STS: variants seen among roughly 807,000 people sequenced by gnomAD.
STS encodes the protein steroid sulfatase, also known as steryl-sulfatase.
Under a neutral mutation model 26.8 loss-of-function variants are expected in STS, and 7 were observed. That is an observed-to-expected ratio of 0.26 (90% confidence interval 0.15 to 0.49). STS has a LOEUF of 0.49. STS is among the 20% of genes least tolerant of loss of function. The pLI is 0.98. For synonymous variants in STS, 199 were observed against 189.4 expected, an observed-to-expected ratio of 1.05 and a Z score of -0.42; for missense variants, 434 against 465.6, an observed-to-expected ratio of 0.93 and a Z score of 0.63.
intron 2 of STS, among the ~76,000 whole-genome samples, chrX:7,231,763 T>TC (rs770298780): frequency 1.9e-4 from 21 of 110,497 alleles, no homozygotes; most frequent in African/African-American, 6.9e-4. Flanking sequence ...CTCTTTGCAG[T>TC]CAGCTCTTCT....
At chrX:7,203,895 C>A (rs1487441608) in intron 2 of STS, among the ~76,000 whole-genome samples, 1 of 111,348 alleles carries the variant, frequency 9.0e-6, no homozygotes, top group Admixed American at 9.6e-5. Context: ...AGCAATTCTC[C>A]TGTCTCAGCT....
chrX:7,192,932 C>T (rs1274138200), intron 2 of STS, among the ~76,000 whole-genome samples: 9 of 112,395 alleles, frequency 8.0e-5, no homozygotes, highest in African/African-American at 2.3e-4. Flanking sequence ...GTGCTGAGGG[C>T]GACAAACCCT....
chrX:7,162,002 A>G (rs903294536), intron 1 of STS, among the ~76,000 whole-genome samples: 6 of 112,003 alleles, frequency 5.4e-5, no homozygotes, highest in Admixed American at 9.5e-5. Flanking sequence ...AAAGATAATA[A>G]TGACTCCTCT....
chrX:7,331,113 C>T (rs1414991873), intron 9 of STS, among the ~76,000 whole-genome samples: 6 of 110,930 alleles, frequency 5.4e-5, no homozygotes, highest in East Asian at 2.9e-4. Flanking sequence ...AGGCAAAGGG[C>T]GCGTGGGAAG....
chrX:7,297,945 A>T (rs1426124041), intron 7 of STS, among the ~76,000 whole-genome samples: 1 of 111,571 alleles, frequency 9.0e-6, no homozygotes, highest in Non-Finnish European at 1.9e-5. Flanking sequence ...CAAGAGTTTC[A>T]TTTCCAGTGC....
At position 7,276,020 on chromosome X, in the gene STS, A is replaced by C; in HGVS notation, c.876A>C (p.Lys292Asn). The C allele has an allele frequency of 8.3e-7, 1 of 1,207,617 alleles. No homozygotes were observed. Among genetic ancestry groups the C allele is most frequent in the Non-Finnish European group, 1.1e-6 (1 of 894,246 alleles). Reference protein sequence around the residue: ...LHVHTALFSSKDFAGKSQHGV... With the variant: ...LHVHTALFSSNDFAGKSQHGV... ...TGCACACAGCCCTGTTCTCCAGCAA[A>C]GACTTTGCTGGCAAAAGTCAACACG... Residue 292 changes from lysine to asparagine, a missense_variant, in exon 7 of 11, where the codon AAA becomes AAC. By Grantham distance (94) the Lys-to-Asn change is moderately conservative. Transcript: ENST00000674429.
chrX:7,201,320 C>T (rs1472516700), intron 2 of STS, among the ~76,000 whole-genome samples: 1 of 111,867 alleles, frequency 8.9e-6, no homozygotes, highest in Non-Finnish European at 1.9e-5. Context: ...AGAATGTTCT[C>T]AAAGGGACAT....
rs1925476568 is a variant in STS at position 7,292,650 on chromosome X, C to T, written c.944-12396C>T. Among the ~76,000 whole-genome samples the T allele has an allele frequency of 2.7e-5, 3 of 110,605 alleles. No homozygotes were observed. In the South Asian group the frequency reaches 1.2e-3, roughly 43 times the overall value. On this transcript the variant is annotated intron_variant, in intron 7 of 10. Transcript: ENST00000674429. Reference sequence around the variant, plus strand: ...TAGTCTTGTCGTTCCTTACCATGTTCTGCATTGCATGCCATGTGCTTTGAT... The same window carrying T: ...TAGTCTTGTCGTTCCTTACCATGTTTTGCATTGCATGCCATGTGCTTTGAT...
intron 6 of STS, among the ~76,000 whole-genome samples, chrX:7,272,262 G>C (rs1291992843): frequency 9.7e-6 from 1 of 103,521 alleles, no homozygotes; most frequent in Admixed American, 1.0e-4. Flanking sequence ...TTACTGGCTG[G>C]TAAAGATGTG....
At chrX:7,165,211 G>A (rs1486113058) in intron 1 of STS, among the ~76,000 whole-genome samples, 1 of 108,004 alleles carries the variant, frequency 9.3e-6, no homozygotes, top group Non-Finnish European at 1.9e-5. Context: ...GCAGTGTGGG[G>A]TGTTAGTGGC....
chrX:7,208,535 G>T (rs1253923840), intron 2 of STS, among the ~76,000 whole-genome samples: 1 of 111,910 alleles, frequency 8.9e-6, no homozygotes, highest in African/African-American at 3.2e-5. Flanking sequence ...AACAAAAACT[G>T]CTGTTTTTCA....
At chrX:7,172,973 G>A (rs886495527) in intron 1 of STS, among the ~76,000 whole-genome samples, 6 of 110,820 alleles carry the variant, frequency 5.4e-5, no homozygotes, top group Non-Finnish European at 5.7e-5. Context: ...TGTGTAGGAT[G>A]TGCAGGTTTG....
chrX:7,281,555 G>C (rs1181272244), intron 7 of STS, among the ~76,000 whole-genome samples: 1 of 112,009 alleles, frequency 8.9e-6, no homozygotes, highest in Admixed American at 9.5e-5. Context: ...CTGACATTTA[G>C]TCAGTCATGT....
chrX:7,300,199 A>C (rs1925900201), intron 7 of STS, among the ~76,000 whole-genome samples: 1 of 112,167 alleles, frequency 8.9e-6, no homozygotes, highest in Admixed American at 9.5e-5. Context: ...TGTTATCTCC[A>C]GTTAAATAAC....
intron 8 of STS, among the ~76,000 whole-genome samples, chrX:7,322,126 G>C (rs1029465430): frequency 8.9e-6 from 1 of 112,600 alleles, no homozygotes; most frequent in Admixed American, 9.4e-5. Flanking sequence ...ATGGCTGGAT[G>C]GTTGATGCTT....
At chrX:7,193,511 A>G (rs1474607411) in intron 2 of STS, among the ~76,000 whole-genome samples, 2 of 109,171 alleles carry the variant, frequency 1.8e-5, no homozygotes, top group Admixed American at 2.0e-4. Context: ...AGATCCAGCT[A>G]GAAGGGCTCT....
At chrX:7,334,965 C>A (rs919214806) in intron 10 of STS, among the ~76,000 whole-genome samples, 4 of 112,158 alleles carry the variant, frequency 3.6e-5, no homozygotes, top group Admixed American at 1.9e-4. Flanking sequence ...GCATAGTATT[C>A]CATGGTGTAT....
chrX:7,154,915 G>A (rs1051468679), intron 1 of STS, among the ~76,000 whole-genome samples: 3 of 112,346 alleles, frequency 2.7e-5, no homozygotes, highest in Admixed American at 9.4e-5. Context: ...GCATGTCAGC[G>A]ATAACGTGGT....
chrX:7,179,067 A>G (rs1454255065), intron 1 of STS, among the ~76,000 whole-genome samples: 2 of 109,276 alleles, frequency 1.8e-5, no homozygotes, highest in Admixed American at 2.0e-4. Context: ...GAAAGTAGTA[A>G]CTGGCTTTCT....
Sources: allele counts gnomAD v4.1 joint callset (sites outside exome capture counted in the v4.1 genomes callset), GRCh38; gene constraint gnomAD v4.1.1; transcripts MANE v1.5; gene names NCBI Gene and HGNC (gene_info 2026-07-23, HGNC 2026-07-21).